Variants in PTGDR observed in about 807,000 individuals in gnomAD.
The protein encoded by PTGDR is prostaglandin D2 receptor, also known as PGD2 receptor.
Under a neutral mutation model 17.4 loss-of-function variants are expected in PTGDR, and 19 were observed. The ratio of observed to expected loss-of-function variants is 1.09; its 90% confidence interval spans 0.76 to 1.60. PTGDR has a LOEUF of 1.60. Ranked by LOEUF, PTGDR falls within the 40% of genes most tolerant of loss-of-function variation. The pLI is 0.00. For missense variants in PTGDR, 526 were observed against 481.9 expected, an observed-to-expected ratio of 1.09 and a Z score of -0.86; for synonymous variants, 267 against 224.2, an observed-to-expected ratio of 1.19 and a Z score of -1.71.
intron 1 of PTGDR, among the ~76,000 whole-genome samples, chr14:52,273,933 GA>G (rs535028773): frequency 4.8e-4 from 73 of 152,240 alleles, no homozygotes; most frequent in African/African-American, 1.7e-3. Context: ...TGAATGGGAG[GA>G]AAAGCTGTTG....
Position 52,268,667 on chromosome 14 carries a change from C to G in PTGDR, c.846+7C>G. 6.4e-7 allele frequency: 1 copy of G among 1,553,032 alleles called. No homozygotes were observed. The highest frequency in any genetic ancestry group is 8.7e-7 in the Non-Finnish European group (1 of 1,147,944). ...GTGTTCTCTGCCCGTAATTGTGAGT[C>G]CCCGGGCCCCGAGGCAGCAGGGCAC... is the stretch of plus-strand genomic sequence containing the variant. On this transcript the variant is annotated splice_region_variant and intron_variant, in intron 1 of 1. Transcript: ENST00000306051.
chr14:52,271,100 TCA>T (rs1468426108), intron 1 of PTGDR, among the ~76,000 whole-genome samples: 1 of 152,228 alleles, frequency 6.6e-6, no homozygotes, highest in African/African-American at 2.4e-5. Context: ...CTTTCTGACC[TCA>T]GTTTCCTCAT....
chr14:52,277,012 G>C (rs991654107), downstream of PTGDR, among the ~76,000 whole-genome samples: 1 of 152,184 alleles, frequency 6.6e-6, no homozygotes, highest in East Asian at 1.9e-4. Flanking sequence ...GATGAAGTCT[G>C]TGTTGAGTTA....
chr14:52,274,466 A>G (rs2033381258), intron 1 of PTGDR, among the ~76,000 whole-genome samples: 1 of 152,216 alleles, frequency 6.6e-6, no homozygotes, highest in Non-Finnish European at 1.5e-5. Context: ...CCCAGCAGGT[A>G]GAATAGCCTT....
At position 52,275,139 on chromosome 14, in the gene PTGDR, CTA is replaced by C. The variant is rs1184591393; in HGVS notation, c.*178_*179del. On this transcript the variant is annotated 3_prime_UTR_variant, in exon 2 of 2. Transcript: ENST00000306051. ...GATATCTTAACAATGTGTTACCATT[CTA>C]TAGTCATGAACCCCTTCAGTGCATT... 5.2e-5 allele frequency: 31 copies of C among 601,912 alleles called. No homozygotes were observed. Among genetic ancestry groups the C allele is most frequent in the Middle Eastern group, 4.5e-4 (1 of 2,234 alleles). The allele number at this position is 601,912 out of a possible 1,614,324, so 37.3% of individuals were successfully genotyped here. A position where few individuals can be genotyped will look rare whatever the true frequency, so the allele number is the denominator to read the frequency against.
In PTGDR at chr14:52,267,951, T is replaced by A. The variant is rs1200452777; in HGVS notation, c.137T>A (p.Leu46Gln). The change falls in exon 1 of 2, where the codon CTG becomes CAG. Residue 46 changes from leucine (L) to glutamine (Q), a missense_variant. Coordinates refer to ENST00000306051, the MANE Select transcript of PTGDR (RefSeq NM_000953.3). ...CTGGGGCTGCTGGCGCGCTCGGGGC[T>A]GGGGTGGTGCTCGCGGCGTCCACTG... is the stretch of plus-strand genomic sequence containing the variant. ...LALGLLARSG[L>Q]GWCSRRPLRP... 1.6e-5 allele frequency: 26 copies of A among 1,609,938 alleles called. No individual in the cohort carries two copies. The highest frequency in any genetic ancestry group is 2.0e-5 in the Non-Finnish European group (24 of 1,179,594).
At chr14:52,272,184 T>C (rs1332186194) in intron 1 of PTGDR, among the ~76,000 whole-genome samples, 1 of 152,136 alleles carries the variant, frequency 6.6e-6, no homozygotes, top group Non-Finnish European at 1.5e-5. Flanking sequence ...AAATGTATTG[T>C]TCATTGGGGC....
Position 52,276,714 on chromosome 14 carries a change from A to C in PTGDR, c.*1750A>C, listed in dbSNP as rs2033433535. On this transcript the variant is annotated 3_prime_UTR_variant, in exon 2 of 2. Transcript: ENST00000306051. ...GGCCCCAGATGAATCAATAAATATA[A>C]TTTTATAGTATTTTGCAGAGGAAAT... 1 of 152,156 alleles carries C rather than the reference A, an allele frequency of 6.6e-6. No homozygotes were observed. Among genetic ancestry groups the C allele is most frequent in the African/African-American group, 2.4e-5 (1 of 41,436 alleles). The allele number at this position is 152,156 out of a possible 1,614,324, so 9.4% of individuals were successfully genotyped here.
chr14:52,268,735 G>T, intron 1 of PTGDR, 75 bp downstream of exon 1: 1 of 1,440,540 alleles, frequency 6.9e-7, no homozygotes. Flanking sequence ...AGGGTGGAGC[G>T]GATCGGGATG....
chr14:52,268,781 A>T, intron 1 of PTGDR, 121 bp downstream of exon 1: 2 of 1,124,594 alleles, frequency 1.8e-6, no homozygotes, highest in Non-Finnish European at 2.5e-6. Flanking sequence ...CTGGGCCAGG[A>T]AGGTTTGCTG....
rs2033398760 is a variant in PTGDR, at chr14:52,275,073, T to G, written c.*109T>G. On this transcript the variant is annotated 3_prime_UTR_variant, in exon 2 of 2. Coordinates refer to ENST00000306051, the MANE Select transcript of PTGDR (RefSeq NM_000953.3). ...ACAATTTAAATCCTTAAAAGTTACC[T>G]CCCATAACAAAAGCATGTATATGTA... 1.2e-6 allele frequency: 1 copy of G among 862,606 alleles called. No homozygotes were observed. The highest frequency in any genetic ancestry group is 2.9e-5 in the Admixed American group (1 of 34,662). The allele number at this position is 862,606 out of a possible 1,614,324, so 53.4% of individuals were successfully genotyped here.
chr14:52,272,609 C>A (rs2033342729), intron 1 of PTGDR, among the ~76,000 whole-genome samples: 1 of 152,162 alleles, frequency 6.6e-6, no homozygotes, highest in African/African-American at 2.4e-5. Flanking sequence ...GCCAGGCAGC[C>A]CTCTCTGGCT....
At chr14:52,278,667 G>T (rs185626897), downstream of PTGDR, among the ~76,000 whole-genome samples, 140 of 152,080 alleles carry the variant, frequency 9.2e-4, no homozygotes, top group Admixed American at 3.7e-3. Flanking sequence ...TTTCAATACT[G>T]GCAGCCATTA....
Position 52,275,255 on chromosome 14 carries a change from A to G in PTGDR, c.*291A>G. 4.0e-6 allele frequency: 1 copy of G among 252,808 alleles called. No individual in the cohort carries two copies. The highest frequency in any genetic ancestry group is 7.6e-6 in the Non-Finnish European group (1 of 131,830). 15.7% of individuals were successfully genotyped at this position (252,808 alleles called of 1,614,324 possible). ...AAACAATGGTATTAATTGTCCCTAC[A>G]TTTGTGCTTGGTGGCCCTATTTTTT... is the stretch of plus-strand genomic sequence containing the variant. On this transcript the variant is annotated 3_prime_UTR_variant, in exon 2 of 2. Transcript: ENST00000306051.
chr14:52,278,079 A>C (rs1462440127), downstream of PTGDR, among the ~76,000 whole-genome samples: 1 of 152,188 alleles, frequency 6.6e-6, no homozygotes, highest in Non-Finnish European at 1.5e-5. Context: ...GGGATCTAGA[A>C]CTAGAAATAC....
At position 52,275,778 on chromosome 14, in the gene PTGDR, C is replaced by T. The variant is rs1191896651; in HGVS notation, c.*814C>T. 6.6e-6 allele frequency: 1 copy of T among 152,556 alleles called. No individual in the cohort carries two copies. Among genetic ancestry groups the T allele is most frequent in the Non-Finnish European group, 1.5e-5 (1 of 68,032 alleles). 9.5% of individuals were successfully genotyped at this position (152,556 alleles called of 1,614,324 possible). On this transcript the variant is annotated 3_prime_UTR_variant, in exon 2 of 2. Transcript: ENST00000306051. ...ACCTCCATTTTATAAAAGAATTATC[C>T]TATCAATGGATTCTTTAGTGGAAGG...
chr14:52,275,934 A>G lies in PTGDR; in HGVS notation c.*970A>G, dbSNP rs553132553. 2 of 152,746 alleles carry G rather than the reference A, an allele frequency of 1.3e-5. No individual in the cohort carries two copies. The highest frequency in any genetic ancestry group is 1.9e-4 in the East Asian group (1 of 5,184). The allele number at this position is 152,746 out of a possible 1,614,324, so 9.5% of individuals were successfully genotyped here. A position where few individuals can be genotyped will look rare whatever the true frequency, so the allele number is the denominator to read the frequency against. ...GACTTAGCCTCAGTTGACGATAGTAACAATGGCCTTAACATCTACCTTAAC... is the reference window on the plus strand; with the variant it reads ...GACTTAGCCTCAGTTGACGATAGTAGCAATGGCCTTAACATCTACCTTAAC... On this transcript the variant is annotated 3_prime_UTR_variant, in exon 2 of 2. Transcript: ENST00000306051.
At position 52,267,772 on chromosome 14, in the gene PTGDR, GC is replaced by G. The variant is rs1459925817; in HGVS notation, c.-40del. On this transcript the variant is annotated 5_prime_UTR_variant, in exon 1 of 2. Coordinates refer to ENST00000306051, the MANE Select transcript of PTGDR (RefSeq NM_000953.3). ...TTAGCACCCGGGCGCCGGGGCCCTC[GC>G]CCTTCCGCAGCCTTCACTCCAGCCC... 2 of 1,497,322 alleles carry G rather than the reference GC, an allele frequency of 1.3e-6. No individual in the cohort carries two copies. The highest frequency in any genetic ancestry group is 2.8e-5 in the African/African-American group (2 of 71,184). The allele number at this position is 1,497,322 out of a possible 1,614,324, so 92.8% of individuals were successfully genotyped here. A position where few individuals can be genotyped will look rare whatever the true frequency, so the allele number is the denominator to read the frequency against.
rs748906477 is a variant in PTGDR, at chr14:52,268,195, A to G, written c.381A>G (p.Ala127=). Reference sequence around the variant, plus strand: ...CGACACTGCAACTCCTGGCCATGGCACTGGAGTGCTGGCTCTCCCTAGGGC... The same window carrying G: ...CGACACTGCAACTCCTGGCCATGGCGCTGGAGTGCTGGCTCTCCCTAGGGC... ...LSSTLQLLAM[A]LECWLSLGHP... The change falls in exon 1 of 2, where the codon GCA becomes GCG. Residue 127 remains alanine (A), a synonymous_variant. Coordinates refer to ENST00000306051, the MANE Select transcript of PTGDR (RefSeq NM_000953.3). 1 of 1,614,082 alleles carries G rather than the reference A, an allele frequency of 6.2e-7. No individual in the cohort carries two copies. The highest frequency in any genetic ancestry group is 8.5e-7 in the Non-Finnish European group (1 of 1,180,018).
Sources: allele counts gnomAD v4.1 joint callset (sites outside exome capture counted in the v4.1 genomes callset), GRCh38; gene constraint gnomAD v4.1.1; transcripts MANE v1.5; gene names NCBI Gene and HGNC (gene_info 2026-07-23, HGNC 2026-07-21).